Variants in HIGD1B observed in about 807,000 individuals in gnomAD.
The protein encoded by HIGD1B is HIG1 hypoxia inducible domain family member 1B.
Under a neutral mutation model 8.8 loss-of-function variants are expected in HIGD1B, and 9 were observed. The observed-to-expected ratio is 1.02, with a 90% confidence interval of 0.62 to 1.78. The LOEUF (loss-of-function observed/expected upper bound fraction) is 1.78. HIGD1B is among the 40% of genes most tolerant of loss of function. The probability of loss-of-function intolerance (pLI) is 0.00; values close to 1 mark genes in which losing one functional copy is unlikely to be tolerated. For synonymous variants in HIGD1B, 47 were observed against 38.8 expected, an observed-to-expected ratio of 1.21 and a Z score of -0.78; for missense variants, 126 against 111.8, an observed-to-expected ratio of 1.13 and a Z score of -0.57.
At chr17:44,848,503 G>A (rs1042029749) in intron 1 of HIGD1B, among the ~76,000 whole-genome samples, 1 of 152,202 alleles carries the variant, frequency 6.6e-6, no homozygotes, top group South Asian at 2.1e-4. Context: ...AAGTGGGAAG[G>A]GTCAGAAGAA....
chr17:44,844,886 A>G (rs553419939), upstream of HIGD1B, among the ~76,000 whole-genome samples: 5 of 152,330 alleles, frequency 3.3e-5, no homozygotes, highest in Non-Finnish European at 1.5e-5. Context: ...CAGGTAAGTC[A>G]TTAAGCCTCT....
upstream of HIGD1B, among the ~76,000 whole-genome samples, chr17:44,845,741 G>A (rs113256221): frequency 4.6e-5 from 7 of 152,128 alleles, 1 homozygote; most frequent in African/African-American, 1.4e-4. Context: ...AGACCAGCCC[G>A]GCCAACATGG....
At chr17:44,847,169 C>T (rs1260160032), upstream of HIGD1B, among the ~76,000 whole-genome samples, 1 of 151,052 alleles carries the variant, frequency 6.6e-6, no homozygotes, top group African/African-American at 2.4e-5. Flanking sequence ...CGCGGTGGCT[C>T]ACGCCTGTAA....
chr17:44,849,386 T>C lies in HIGD1B; in HGVS notation c.233T>C (p.Leu78Pro). ...AQACAVGAIM[L>P]GAVYTMYSDY... is the part of the protein sequence containing the mutation. ...GCCTGTGCAGTGGGTGCAATCATGCTAGGTGAGTAGCTTTGTGGGGTCGCA... is the reference window on the plus strand; with the variant it reads ...GCCTGTGCAGTGGGTGCAATCATGCCAGGTGAGTAGCTTTGTGGGGTCGCA... The change falls in exon 2 of 3, where the codon CTA becomes CCA. Residue 78 changes from leucine to proline, a missense_variant and splice_region_variant. Transcript: ENST00000253410. The C allele has an allele frequency of 6.2e-7, 1 of 1,613,964 alleles. No homozygotes were observed. The highest frequency in any genetic ancestry group is 2.2e-5 in the East Asian group (1 of 44,872).
intron 2 of HIGD1B, among the ~76,000 whole-genome samples, chr17:44,849,717 C>A (rs1386870663): frequency 6.7e-6 from 1 of 148,592 alleles, no homozygotes; most frequent in Non-Finnish European, 1.5e-5. Context: ...CTGAGATCCG[C>A]CACTGCACTC....
At chr17:44,848,804 T>C (rs1172710888) in intron 1 of HIGD1B, among the ~76,000 whole-genome samples, 1 of 151,590 alleles carries the variant, frequency 6.6e-6, no homozygotes, top group Admixed American at 6.6e-5. Flanking sequence ...TGAGATGGAG[T>C]TTCACTCGTT....
chr17:44,848,282 T>A, intron 1 of HIGD1B, 30 bp downstream of exon 1: 1 of 864,806 alleles, frequency 1.2e-6, no homozygotes, highest in Non-Finnish European at 2.0e-6. Flanking sequence ...GGGTGCCGAG[T>A]AGGAGGCCTT....
At chr17:44,845,258 CA>C (rs11366877), upstream of HIGD1B, among the ~76,000 whole-genome samples, 77,940 of 116,666 alleles carry the variant, frequency 0.67, 23,795 homozygotes, top group African/African-American at 0.77. Context: ...AACTCCGTCT[CA>C]AAAAAAAAAA....
chr17:44,849,259 G>A lies in HIGD1B; in HGVS notation c.106G>A (p.Gly36Arg), dbSNP rs1327598160. The change falls in exon 2 of 3, where the codon GGA becomes AGA. Residue 36 changes from glycine (G) to arginine (R), a missense_variant. Physicochemically the swap from Gly to Arg is moderately radical, Grantham distance 125. Transcript: ENST00000253410. ...RESPLVPIGL[G>R]GCLVVAAYRI... Reference sequence around the variant, plus strand: ...GCTGTGTTCTCTGCCCACAGGCTTAGGAGGCTGCTTGGTGGTAGCAGCATA... The same window carrying A: ...GCTGTGTTCTCTGCCCACAGGCTTAAGAGGCTGCTTGGTGGTAGCAGCATA... 6.2e-7 allele frequency: 1 copy of A among 1,614,072 alleles called. No homozygotes were observed. The highest frequency in any genetic ancestry group is 1.7e-5 in the Admixed American group (1 of 60,004).
At chr17:44,845,611 C>A (rs918295886), upstream of HIGD1B, among the ~76,000 whole-genome samples, 2 of 151,462 alleles carry the variant, frequency 1.3e-5, no homozygotes, top group Non-Finnish European at 2.9e-5. Flanking sequence ...AGAGGGAGAC[C>A]CCATCTCAAA....
At chr17:44,849,686 G>A (rs1391336803) in intron 2 of HIGD1B, among the ~76,000 whole-genome samples, 2 of 150,910 alleles carry the variant, frequency 1.3e-5, no homozygotes, top group East Asian at 1.9e-4. Flanking sequence ...CTTGAACCTG[G>A]GAGGCGGAGG....
chr17:44,847,160 G>A (rs963099342), upstream of HIGD1B, among the ~76,000 whole-genome samples: 1 of 151,850 alleles, frequency 6.6e-6, no homozygotes, highest in Non-Finnish European at 1.5e-5. Context: ...AGGGCCGGGC[G>A]CGGTGGCTCA....
At chr17:44,849,934 CAACAG>C (rs1436519205) in intron 2 of HIGD1B, 3 of 206,030 alleles carry the variant, frequency 1.5e-5, no homozygotes, top group East Asian at 1.1e-4. Context: ...AAAAATCATG[CAACAG>C]AACAGATGTT....
chr17:44,848,774 AATAT>A, intron 1 of HIGD1B, among the ~76,000 whole-genome samples: 1 of 150,358 alleles, frequency 6.7e-6, no homozygotes, highest in East Asian at 1.9e-4. Context: ...GCAACAACTC[AATAT>A]ATATATATAT....
chr17:44,850,367 A>T lies in HIGD1B; in HGVS notation c.271A>T (p.Arg91Trp), dbSNP rs779881737. The T allele has an allele frequency of 8.7e-6, 14 of 1,613,178 alleles. No homozygotes were observed. In the South Asian group the frequency reaches 1.5e-4, roughly 18 times the overall value. Residue 91 changes from arginine to tryptophan, a missense_variant, in exon 3 of 3, where the codon AGG becomes TGG. Coordinates refer to ENST00000253410, the MANE Select transcript of HIGD1B (RefSeq NM_016438.4). The stretch of plus-strand genomic sequence containing the variant: ...CACAATGTACAGCGATTACGTCAAG[A>T]GGATGGCACAGGATGCTGGAGAGAA... ...VYTMYSDYVKRMAQDAGEK is the reference protein window; with the variant it reads ...VYTMYSDYVKWMAQDAGEK
At chr17:44,847,299 G>A (rs2050333163), upstream of HIGD1B, among the ~76,000 whole-genome samples, 2 of 152,086 alleles carry the variant, frequency 1.3e-5, no homozygotes, top group South Asian at 4.1e-4. Context: ...CGGGCGCGGT[G>A]GCGGGCGCCT....
At chr17:44,847,193 G>A (rs2050331807), upstream of HIGD1B, among the ~76,000 whole-genome samples, 1 of 152,106 alleles carries the variant, frequency 6.6e-6, no homozygotes, top group Non-Finnish European at 1.5e-5. Context: ...CAGCACTTTG[G>A]GAGGCCGAGG....
At position 44,849,394 on chromosome 17, in the gene HIGD1B, T is replaced by C; in HGVS notation, c.235+6T>C. 4.3e-6 allele frequency: 7 copies of C among 1,613,258 alleles called. No individual in the cohort carries two copies. The highest frequency in any genetic ancestry group is 2.2e-5 in the East Asian group (1 of 44,814). ...AGTGGGTGCAATCATGCTAGGTGAG[T>C]AGCTTTGTGGGGTCGCAGAATGAGG... On this transcript the variant is annotated splice_donor_region_variant and intron_variant, in intron 2 of 2. Transcript: ENST00000253410.
intron 2 of HIGD1B, among the ~76,000 whole-genome samples, chr17:44,849,758 C>CAAAAAAAAAAAAAAA (rs61617877): frequency 2.9e-4 from 15 of 52,552 alleles, no homozygotes; most frequent in African/African-American, 9.7e-4. Context: ...GACTCTGTCT[C>CAAAAAAAAAAAAAAA]AAAAAAAAAA....
Sources: allele counts gnomAD v4.1 joint callset (sites outside exome capture counted in the v4.1 genomes callset), GRCh38; gene constraint gnomAD v4.1.1; transcripts MANE v1.5; gene names NCBI Gene and HGNC (gene_info 2026-07-23, HGNC 2026-07-21).